Variants in SMPD3 observed in about 807,000 individuals in gnomAD.
SMPD3 encodes the protein nSMase-2.
A neutral mutation model predicts 55.7 loss-of-function variants in SMPD3; 21 were observed. The ratio of observed to expected loss-of-function variants is 0.38; its 90% confidence interval spans 0.27 to 0.54. The LOEUF (loss-of-function observed/expected upper bound fraction) is 0.54, where lower values mean the gene tolerates loss of function less well. Ranked by LOEUF, SMPD3 falls within the 20% of genes least tolerant of loss-of-function variation. The probability of loss-of-function intolerance (pLI) is 0.80; values close to 1 mark genes in which losing one functional copy is unlikely to be tolerated. For missense variants in SMPD3, 842 were observed against 899.6 expected (o/e 0.94, Z 0.82); for synonymous variants, 457 against 404.3 (o/e 1.13, Z -1.56).
intron 1 of SMPD3, among the ~76,000 whole-genome samples, chr16:68,415,336 T>A (rs919575904): frequency 2.6e-5 from 4 of 151,918 alleles, no homozygotes; most frequent in African/African-American, 9.7e-5. Flanking sequence ...CAAGAGTCCT[T>A]GGGGGTCAGG....
chr16:68,445,273 A>G (rs567043917), intron 1 of SMPD3, among the ~76,000 whole-genome samples: 1 of 152,262 alleles, frequency 6.6e-6, no homozygotes, highest in African/African-American at 2.4e-5. Context: ...GGGAAAGAGG[A>G]GAAAAGAGTA....
chr16:68,428,294 A>G (rs919620024), intron 1 of SMPD3, among the ~76,000 whole-genome samples: 1 of 152,250 alleles, frequency 6.6e-6, no homozygotes, highest in Non-Finnish European at 1.5e-5. Flanking sequence ...GTGTATGATC[A>G]GAAAGAGTAG....
intron 1 of SMPD3, among the ~76,000 whole-genome samples, chr16:68,386,869 G>T (rs1198170178): frequency 6.6e-6 from 1 of 152,190 alleles, no homozygotes; most frequent in African/African-American, 2.4e-5. Flanking sequence ...AGTGGGTGGG[G>T]CCCGAGGTTT....
intron 7 of SMPD3, among the ~76,000 whole-genome samples, chr16:68,362,048 T>TC (rs948881176): frequency 6.6e-6 from 1 of 152,176 alleles, no homozygotes; most frequent in African/African-American, 2.4e-5. Flanking sequence ...ACAGAACTGA[T>TC]CCCACCCGTT....
At position 68,363,872 on chromosome 16, in the gene SMPD3, C is replaced by A. The variant is rs3743743; in HGVS notation, c.1556-6G>T. The A allele has an allele frequency of 9.6e-6, 15 of 1,556,298 alleles. No homozygotes were observed. In the South Asian group the frequency reaches 1.8e-4, roughly 18 times the overall value. ...TTGCTGCTCCAGCTTGTCGTCTGTG[C>A]GGGGAGGGAGGAAACGCTGAGGCAC... On this transcript the variant is annotated splice_polypyrimidine_tract_variant and splice_region_variant and intron_variant, in intron 5 of 8. Transcript: ENST00000219334.
At chr16:68,399,736 A>G (rs1319450115) in intron 1 of SMPD3, among the ~76,000 whole-genome samples, 1 of 152,234 alleles carries the variant, frequency 6.6e-6, no homozygotes, top group African/African-American at 2.4e-5. Flanking sequence ...CTGGACTGCC[A>G]GGTTGCCTCG....
intron 1 of SMPD3, among the ~76,000 whole-genome samples, chr16:68,406,634 C>T (rs2090256673): frequency 6.6e-6 from 1 of 152,246 alleles, no homozygotes; most frequent in Non-Finnish European, 1.5e-5. Flanking sequence ...CCACTGGCAT[C>T]TCCAGATGTT....
rs547197546 is a variant in SMPD3, at chr16:68,420,382, G to A, written c.-269+27971C>T. ...GGAAATTGAGGTTCAGAGAAGTTGA[G>A]GGACTTGTCCAAAGACACTCAGCCT... On this transcript the variant is annotated intron_variant, in intron 1 of 8. Coordinates refer to ENST00000219334, the MANE Select transcript of SMPD3 (RefSeq NM_018667.4). Among the ~76,000 whole-genome samples, 3 of 152,290 alleles carry A rather than the reference G, an allele frequency of 2.0e-5. No individual in the cohort carries two copies. In the South Asian group the frequency reaches 6.2e-4, roughly 32 times the overall value.
chr16:68,384,598 G>T (rs1456693160), intron 2 of SMPD3, among the ~76,000 whole-genome samples: 2 of 152,194 alleles, frequency 1.3e-5, no homozygotes, highest in Non-Finnish European at 2.9e-5. Flanking sequence ...TCTGTGGGTT[G>T]TCTCTGCAGG....
At chr16:68,364,157 AGGTCCATG>A (rs111416768) in intron 5 of SMPD3, among the ~76,000 whole-genome samples, 2,693 of 152,340 alleles carry the variant, frequency 0.018, 107 homozygotes, top group African/African-American at 0.061. Context: ...GGTCCCCACA[AGGTCCATG>A]TGGTCATCGG....
rs1015537693 is a variant in SMPD3 at position 68,404,028 on chromosome 16, T to C, written c.-268-17369A>G. Among the ~76,000 whole-genome samples the C allele has an allele frequency of 2.0e-5, 3 of 152,038 alleles. No individual in the cohort carries two copies. Among genetic ancestry groups the C allele is most frequent in the Admixed American group, 6.6e-5 (1 of 15,250 alleles). ...CTGCCATTGTTTCTCTGTTTTCTTT[T>C]TTTCTTTCTTTCTTTATTCTTTGAC... is the stretch of plus-strand genomic sequence containing the variant. On this transcript the variant is annotated intron_variant, in intron 1 of 8. Coordinates refer to ENST00000219334, the MANE Select transcript of SMPD3 (RefSeq NM_018667.4). The surrounding 1 kb of genome is among the most constrained non-coding windows in gnomAD (Gnocchi z 4.0).
At chr16:68,422,788 G>A (rs866342734) in intron 1 of SMPD3, among the ~76,000 whole-genome samples, 2 of 152,300 alleles carry the variant, frequency 1.3e-5, no homozygotes, top group South Asian at 2.1e-4. Context: ...AAGAGGTGGC[G>A]TGTAGGCTGC....
At chr16:68,444,203 C>A (rs1255732201) in intron 1 of SMPD3, among the ~76,000 whole-genome samples, 1 of 152,236 alleles carries the variant, frequency 6.6e-6, no homozygotes, top group African/African-American at 2.4e-5. Context: ...CTGGTCCACA[C>A]CCAGAAGTCC....
chr16:68,398,440 A>C (rs929985690), intron 1 of SMPD3, among the ~76,000 whole-genome samples: 9 of 152,268 alleles, frequency 5.9e-5, no homozygotes, highest in African/African-American at 1.9e-4. Flanking sequence ...CCTTCCTGAC[A>C]CTACCTCTTT....
chr16:68,373,189 C>G (rs1287448701), intron 2 of SMPD3, among the ~76,000 whole-genome samples: 1 of 152,222 alleles, frequency 6.6e-6, no homozygotes. Context: ...ACCGCTGTCC[C>G]TCATGTACTC....
intron 1 of SMPD3, among the ~76,000 whole-genome samples, chr16:68,409,047 T>C (rs966103792): frequency 1.1e-4 from 16 of 151,842 alleles, no homozygotes; most frequent in African/African-American, 3.1e-4. Flanking sequence ...GTGACTGGGG[T>C]GTGTGTGTAG....
intron 1 of SMPD3, among the ~76,000 whole-genome samples, chr16:68,434,266 A>G (rs2090502988): frequency 6.6e-6 from 1 of 152,200 alleles, no homozygotes; most frequent in African/African-American, 2.4e-5. Context: ...ATTTATGCCC[A>G]CAACTGTCAT....
At chr16:68,362,824 A>G (rs1275138919) in intron 7 of SMPD3, among the ~76,000 whole-genome samples, 1 of 152,252 alleles carries the variant, frequency 6.6e-6, no homozygotes, top group Non-Finnish European at 1.5e-5. Context: ...TCATTTTTAA[A>G]TCATCATCTC....
rs2089646108 is a variant in SMPD3, at chr16:68,370,926, G to T, written c.1256C>A (p.Ala419Asp). 6.2e-7 allele frequency: 1 copy of T among 1,614,032 alleles called. No homozygotes were observed. The highest frequency in any genetic ancestry group is 8.5e-7 in the Non-Finnish European group (1 of 1,180,030). ...FASRYPIMDV[A>D]YHCYPNKCND... Reference sequence around the variant, plus strand: ...ACACTTGTTGGGGTAACAGTGATAGGCCACGTCCATGATGGGGTAGCGGCT... The same window carrying T: ...ACACTTGTTGGGGTAACAGTGATAGTCCACGTCCATGATGGGGTAGCGGCT... Residue 419 changes from alanine to aspartate, a missense_variant, in exon 3 of 9, where the codon GCC (alanine) becomes GAC (aspartate). Around this residue, in one of 2 missense-constraint regions of SMPD3, gnomAD observed 649 missense variants for 643.6 expected, o/e 1.01. Coordinates refer to ENST00000219334, the MANE Select transcript of SMPD3 (RefSeq NM_018667.4).
Sources: gnomAD v4.1 joint callset for allele counts (sites outside exome capture counted in the v4.1 genomes callset) on GRCh38, gnomAD v4.1.1 for gene constraint, gnomAD v4.1.1 regional missense constraint, Gnocchi (gnomAD v3.1) non-coding constraint, MANE v1.5 for transcripts, NCBI Gene and HGNC (gene_info 2026-07-23, HGNC 2026-07-21) for gene names.